The following ANK1 variants were observed in gnomAD, a reference collection of about 807,000 sequenced individuals.
The protein encoded by ANK1 is ankyrin-1.
In ANK1, 51 loss-of-function variants were observed where a neutral mutation model predicts 210.4. The ratio of observed to expected loss-of-function variants is 0.24; its 90% CI spans 0.19 to 0.31. ANK1 has a LOEUF of 0.31. Among genes scored for constraint, ANK1 ranks in the 10% least tolerant of loss-of-function variants. The pLI is 1.00. For missense variants in ANK1, 2,051 were observed against 2,504.4 expected (o/e 0.82, Z 3.86); for synonymous variants, 967 against 1,025.9 (o/e 0.94, Z 1.10).
chr8:41,795,295 C>T (rs1180519089), intron 1 of ANK1, among the ~76,000 whole-genome samples: 1 of 151,944 alleles, frequency 6.6e-6, no homozygotes, highest in African/African-American at 2.4e-5. Context: ...GGTGGATCAC[C>T]TGAGGTCAGG....
intron 1 of ANK1, among the ~76,000 whole-genome samples, chr8:41,777,623 CAAACA>C (rs532400916): frequency 6.9e-4 from 105 of 152,224 alleles, no homozygotes; most frequent in African/African-American, 2.5e-3. Flanking sequence ...AACAAACAAA[CAAACA>C]AACAAACAAT....
At position 41,673,016 on chromosome 8, in the gene ANK1, C is replaced by T. The variant is rs1434803525; in HGVS notation, c.4538-104G>A. Reference sequence around the variant, plus strand: ...CACGAACACACACATGCGGGTGCGGCCACAGAGATGCATGCACATTCGGGG... The same window carrying T: ...CACGAACACACACATGCGGGTGCGGTCACAGAGATGCATGCACATTCGGGG... On this transcript the variant is annotated intron_variant, in intron 37 of 42. Coordinates refer to ENST00000289734, the MANE Select transcript of ANK1 (RefSeq NM_000037.4). The T allele has an allele frequency of 4.9e-6, 6 of 1,216,310 alleles. No individual in the cohort carries two copies. The Admixed American group carries it at 8.0e-5, about 16-fold the overall frequency. 75.3% of individuals were successfully genotyped at this position (1,216,310 alleles called of 1,614,324 possible). A position where few individuals can be genotyped will look rare whatever the true frequency, so the allele number is the denominator to read the frequency against.
rs147787182 is a variant in ANK1, at chr8:41,784,141, C to A, written c.27+13371G>T. ...CAAGATTCCATAATCGCATTTGACT[C>A]TAAAACTCTTTATTTCCCCCACATA... On this transcript the variant is annotated intron_variant, in intron 1 of 42. Transcript: ENST00000289734. Among the ~76,000 whole-genome samples, 4 of 151,910 alleles carry A rather than the reference C, an allele frequency of 2.6e-5. No homozygotes were observed. In the East Asian group the frequency reaches 7.7e-4, roughly 29 times the overall value.
chr8:41,774,356 A>C (rs1843569664), intron 1 of ANK1, among the ~76,000 whole-genome samples: 1 of 152,256 alleles, frequency 6.6e-6, no homozygotes, highest in Non-Finnish European at 1.5e-5. Context: ...ATTGGAATCC[A>C]GTCAACTCAG....
Position 41,724,481 on chromosome 8 carries a change from C to G in ANK1, c.686G>C (p.Gly229Ala). Residue 229 changes from glycine (G) to alanine (A), a missense_variant, in exon 7 of 43, where the codon GGA (glycine) becomes GCA (alanine). Around this residue, in one of 6 missense-constraint regions of ANK1, gnomAD observed 1,413 missense variants for 1,707.4 expected, o/e 0.83. Coordinates refer to ENST00000289734, the MANE Select transcript of ANK1 (RefSeq NM_000037.4). ...LNVAQLLLNR[G>A]ASVNFTPQNG... ...CTGTGGTGTGAAATTGACGCTGGCT[C>G]CTCTGTTGAGGAGCAACTGGGCCAC... 6.3e-7 allele frequency: 1 copy of G among 1,594,392 alleles called. No homozygotes were observed. The highest frequency in any genetic ancestry group is 2.3e-5 in the East Asian group (1 of 44,214).
At chr8:41,710,023 G>A (rs2150623885) in intron 16 of ANK1, among the ~76,000 whole-genome samples, 1 of 151,658 alleles carries the variant, frequency 6.6e-6, no homozygotes, top group South Asian at 2.1e-4. Context: ...AGATGAAGAA[G>A]CTTGCCTCAA....
rs1820388179 is a variant in ANK1 at position 41,694,893 on chromosome 8, C to T, written c.3116-90G>A. 1 of 1,353,746 alleles carries T rather than the reference C, an allele frequency of 7.4e-7. No homozygotes were observed. 83.9% of individuals were successfully genotyped at this position (1,353,746 alleles called of 1,614,324 possible). A position where few individuals can be genotyped will look rare whatever the true frequency, so the allele number is the denominator to read the frequency against. On this transcript the variant is annotated intron_variant, in intron 27 of 42. Transcript: ENST00000289734. This position sits in a 1 kb window ranked among gnomAD's most constrained non-coding sequence, Gnocchi z 5.7. ...CCCCAGAGTCTCCTTGTCCCCAAGA[C>T]CCAGTGCACACACCCTCCCCAGGTG...
chr8:41,766,230 T>C (rs901069795), intron 1 of ANK1, among the ~76,000 whole-genome samples: 1 of 152,128 alleles, frequency 6.6e-6, no homozygotes, highest in African/African-American at 2.4e-5. Flanking sequence ...TGTGGAGCTG[T>C]CTGCTTGTGC....
chr8:41,798,662 G>A (rs866573639), upstream of ANK1, among the ~76,000 whole-genome samples: 19 of 152,338 alleles, frequency 1.2e-4, no homozygotes, highest in Middle Eastern at 3.4e-3. Context: ...ACCCCGAGGA[G>A]CTGAGCTGCG....
chr8:41,871,282 G>A (rs1392379361), intron 1 of ANK1, among the ~76,000 whole-genome samples: 1 of 152,152 alleles, frequency 6.6e-6, no homozygotes, highest in Non-Finnish European at 1.5e-5. Flanking sequence ...CCGCAGAATC[G>A]AGGCAGCTGC....
intron 1 of ANK1, among the ~76,000 whole-genome samples, chr8:41,822,082 G>A (rs1177643120): frequency 1.3e-4 from 4 of 30,970 alleles, no homozygotes; most frequent in African/African-American, 1.1e-3. Flanking sequence ...GAGAGAGAGA[G>A]AGAGAGAGAG....
chr8:41,690,464 G>C lies in ANK1; in HGVS notation c.3984+10C>G, dbSNP rs772618977. The stretch of plus-strand genomic sequence containing the variant: ...ACCCAGAGGAGAACTCAGCCAGAGG[G>C]TGCCGGCACCTTTACAGGCATGGCC... On this transcript the variant is annotated intron_variant, in intron 32 of 42. Transcript: ENST00000289734. 49 of 1,614,092 alleles carry C rather than the reference G, an allele frequency of 3.0e-5. No individual in the cohort carries two copies. Among genetic ancestry groups the C allele is most frequent in the Non-Finnish European group, 6.8e-6 (8 of 1,180,042 alleles).
intron 1 of ANK1, among the ~76,000 whole-genome samples, chr8:41,761,219 ACAG>A (rs1358755075): frequency 1.3e-5 from 2 of 150,646 alleles, no homozygotes; most frequent in Non-Finnish European, 3.0e-5. Context: ...ACACACACAC[ACAG>A]ATGTGTGCAC....
intron 2 of ANK1, among the ~76,000 whole-genome samples, chr8:41,747,875 C>A (rs1375009027): frequency 1.3e-5 from 2 of 152,198 alleles, no homozygotes; most frequent in African/African-American, 2.4e-5. Context: ...GGTCAATTAG[C>A]TCTTCCTTGG....
chr8:41,813,586 A>G (rs1297231033), intron 1 of ANK1, among the ~76,000 whole-genome samples: 1 of 152,222 alleles, frequency 6.6e-6, no homozygotes, highest in Non-Finnish European at 1.5e-5. Context: ...TGGCCTGAGC[A>G]TTTACAAAAG....
chr8:41,885,002 A>C (rs1225706729), intron 1 of ANK1, among the ~76,000 whole-genome samples: 3 of 152,026 alleles, frequency 2.0e-5, no homozygotes, highest in Non-Finnish European at 4.4e-5. Context: ...TTCATCCTCA[A>C]GGCAGGGGAA....
chr8:41,669,656 C>G (rs1161503705), intron 38 of ANK1, among the ~76,000 whole-genome samples: 4 of 152,180 alleles, frequency 2.6e-5, no homozygotes, highest in Non-Finnish European at 5.9e-5. Flanking sequence ...CCCTCCTTGA[C>G]CCCTCTCTTC....
intron 1 of ANK1, among the ~76,000 whole-genome samples, chr8:41,843,371 C>A (rs1809377076): frequency 6.6e-6 from 1 of 152,136 alleles, no homozygotes; most frequent in South Asian, 2.1e-4. Context: ...TGCACTTGTA[C>A]CCTTTCACCC....
At chr8:41,691,306 G>C (rs1486361820) in intron 31 of ANK1, among the ~76,000 whole-genome samples, 1 of 152,142 alleles carries the variant, frequency 6.6e-6, no homozygotes, top group Non-Finnish European at 1.5e-5. Flanking sequence ...CACTTGCTCT[G>C]TTTTAATCTC....
Sources: allele counts gnomAD v4.1 joint callset (sites outside exome capture counted in the v4.1 genomes callset), GRCh38; gene constraint gnomAD v4.1.1; regional missense constraint gnomAD v4.1.1; non-coding constraint Gnocchi (gnomAD v3.1); transcripts MANE v1.5; gene names NCBI Gene and HGNC (gene_info 2026-07-23, HGNC 2026-07-21).